The following ST8SIA6 variants were observed in gnomAD, a reference collection of about 807,000 sequenced individuals.
The protein encoded by ST8SIA6 is ST8 alpha-N-acetyl-neuraminide alpha-2,8-sialyltransferase 6, also known as alpha-2,8-sialyltransferase 8F.
A neutral mutation model predicts 33.6 loss-of-function variants in ST8SIA6; 39 were observed. That is an observed-to-expected ratio of 1.16 (90% CI 0.90 to 1.52). The LOEUF (loss-of-function observed/expected upper bound fraction) is 1.52. ST8SIA6 is among the 40% of genes most tolerant of loss of function. The pLI is 0.00. For synonymous variants in ST8SIA6, 172 were observed against 167.2 expected (o/e 1.03, Z -0.22); for missense variants, 441 against 443.8 (o/e 0.99, Z 0.06).
chr10:17,317,139 G>T lies in ST8SIA6; in HGVS notation c.*3739C>A, dbSNP rs1847799465. 6.6e-6 allele frequency among the ~76,000 whole-genome samples: 1 copy of T among 152,094 alleles called. No individual in the cohort carries two copies. The highest frequency in any genetic ancestry group is 6.6e-5 in the Admixed American group (1 of 15,260). On this transcript the variant is annotated 3_prime_UTR_variant, in exon 8 of 8. Transcript: ENST00000377602. ...AGCCCAACTTTTTATATGGTGCAAT[G>T]TAGGCATTTATTTTTCTCCATAGAG...
chr10:17,446,135 C>T (rs1274028802), intron 2 of ST8SIA6, among the ~76,000 whole-genome samples: 1 of 151,762 alleles, frequency 6.6e-6, no homozygotes. Context: ...TCTTTTAGTC[C>T]CTGAGGTGGA....
chr10:17,423,780 C>T (rs1480729773), intron 2 of ST8SIA6, among the ~76,000 whole-genome samples: 1 of 152,210 alleles, frequency 6.6e-6, no homozygotes, highest in African/African-American at 2.4e-5. Context: ...CCCCAAAATA[C>T]ATAGGCAATA....
intron 3 of ST8SIA6, among the ~76,000 whole-genome samples, chr10:17,377,928 A>T (rs191582158): frequency 6.6e-6 from 1 of 152,304 alleles, no homozygotes; most frequent in Non-Finnish European, 1.5e-5. Flanking sequence ...ACCCCTGACC[A>T]TAGACAATAC....
chr10:17,357,238 G>C (rs1341190730), intron 4 of ST8SIA6, among the ~76,000 whole-genome samples: 1 of 151,268 alleles, frequency 6.6e-6, no homozygotes, highest in Non-Finnish European at 1.5e-5. Context: ...CGATTCTCCT[G>C]CCTCAGCCTC....
At chr10:17,446,301 GA>G (rs778712970) in intron 2 of ST8SIA6, among the ~76,000 whole-genome samples, 2 of 152,080 alleles carry the variant, frequency 1.3e-5, no homozygotes, top group African/African-American at 2.4e-5. Context: ...AAAATGCAGA[GA>G]AAAATCATAC....
Position 17,454,117 on chromosome 10 carries a change from G to A in ST8SIA6, c.101+38C>T, listed in dbSNP as rs151236209. 2.5e-4 allele frequency: 65 copies of A among 261,390 alleles called. No homozygotes were observed. The Middle Eastern group carries it at 3.4e-3, about 14-fold the overall frequency. 16.2% of individuals were successfully genotyped at this position (261,390 alleles called of 1,614,324 possible). The stretch of plus-strand genomic sequence containing the variant: ...GGGGTCCGGGGGCGCCAGGCGGGGC[G>A]CGCGGCGCGGGGCGCGGCCGGCGGG... On this transcript the variant is annotated intron_variant, in intron 1 of 7. Coordinates refer to ENST00000377602, the MANE Select transcript of ST8SIA6 (RefSeq NM_001004470.3). This position sits in a 1 kb window ranked among gnomAD's most constrained non-coding sequence, Gnocchi z 4.1.
At chr10:17,441,687 C>T (rs1195304395) in intron 2 of ST8SIA6, among the ~76,000 whole-genome samples, 1 of 152,008 alleles carries the variant, frequency 6.6e-6, no homozygotes, top group Non-Finnish European at 1.5e-5. Flanking sequence ...CCTCGCTCCA[C>T]CATCTGGAAG....
In ST8SIA6 at chr10:17,315,888, A is replaced by G. The variant is rs908824962; in HGVS notation, c.*4990T>C. On this transcript the variant is annotated 3_prime_UTR_variant, in exon 8 of 8. Coordinates refer to ENST00000377602, the MANE Select transcript of ST8SIA6 (RefSeq NM_001004470.3). Reference sequence around the variant, plus strand: ...AATATGTGCCATTTATTACATGTCAATGACATGGGATAATACTGATTTTTC... The same window carrying G: ...AATATGTGCCATTTATTACATGTCAGTGACATGGGATAATACTGATTTTTC... Among the ~76,000 whole-genome samples the G allele has an allele frequency of 1.3e-5, 2 of 152,002 alleles. No individual in the cohort carries two copies. The highest frequency in any genetic ancestry group is 1.5e-5 in the Non-Finnish European group (1 of 67,902).
intron 2 of ST8SIA6, among the ~76,000 whole-genome samples, chr10:17,433,473 A>G (rs537757188): frequency 3.3e-5 from 5 of 152,228 alleles, no homozygotes; most frequent in African/African-American, 9.6e-5. Context: ...ACAAAAATAT[A>G]AACATAATAA....
intron 2 of ST8SIA6, among the ~76,000 whole-genome samples, chr10:17,424,899 A>G (rs949317446): frequency 3.3e-5 from 5 of 151,892 alleles, no homozygotes; most frequent in Non-Finnish European, 5.9e-5. Context: ...ATACATGGCT[A>G]ATTTTTGTAT....
At chr10:17,434,654 G>A (rs45493692) in intron 2 of ST8SIA6, among the ~76,000 whole-genome samples, 2,054 of 152,214 alleles carry the variant, frequency 0.013, 27 homozygotes, top group Non-Finnish European at 0.022. Context: ...GGACCTTCCT[G>A]AAAGTACAGT....
rs1564395098 is a variant in ST8SIA6 at position 17,318,770 on chromosome 10, A to G, written c.*2108T>C. 2.4e-5 allele frequency: 11 copies of G among 467,340 alleles called. No individual in the cohort carries two copies. The highest frequency in any genetic ancestry group is 4.4e-5 in the Non-Finnish European group (10 of 226,434). 28.9% of individuals were successfully genotyped at this position (467,340 alleles called of 1,614,324 possible). ...ATTTGCAATGATTCACCAATACAGA[A>G]CAAAAAGAACTGTGACTTACGTTTT... is the stretch of plus-strand genomic sequence containing the variant. On this transcript the variant is annotated 3_prime_UTR_variant, in exon 8 of 8. Coordinates refer to ENST00000377602, the MANE Select transcript of ST8SIA6 (RefSeq NM_001004470.3).
intron 2 of ST8SIA6, among the ~76,000 whole-genome samples, chr10:17,407,385 C>T (rs1245573476): frequency 4.6e-5 from 7 of 152,134 alleles, no homozygotes; most frequent in East Asian, 1.9e-4. Flanking sequence ...GCCAAAACTC[C>T]ACCCTCAGAT....
At position 17,336,803 on chromosome 10, in the gene ST8SIA6, A is replaced by C. The variant is rs560885445; in HGVS notation, c.378-5251T>G. Among the ~76,000 whole-genome samples the C allele has an allele frequency of 2.0e-5, 3 of 152,118 alleles. No homozygotes were observed. The East Asian group carries it at 5.8e-4, about 29-fold the overall frequency. ...GAGACGGGGTTTCACCATGTTGGCC[A>C]GGCTGGTCTCAAACTCCCGACCCTA... On this transcript the variant is annotated intron_variant, in intron 4 of 7. Coordinates refer to ENST00000377602, the MANE Select transcript of ST8SIA6 (RefSeq NM_001004470.3).
chr10:17,389,607 C>T (rs978696314), intron 3 of ST8SIA6, among the ~76,000 whole-genome samples: 4 of 152,084 alleles, frequency 2.6e-5, no homozygotes, highest in East Asian at 1.9e-4. Context: ...ATGTAGCAAA[C>T]CCTCTAAAAT....
At chr10:17,341,912 A>C (rs1257188340) in intron 4 of ST8SIA6, among the ~76,000 whole-genome samples, 4 of 150,368 alleles carry the variant, frequency 2.7e-5, no homozygotes, top group South Asian at 2.1e-4. Flanking sequence ...AAAAAAAAAA[A>C]AAAAAAAAAC....
chr10:17,408,418 A>G (rs1224872027), intron 2 of ST8SIA6: 1 of 152,152 alleles, frequency 6.6e-6, no homozygotes, highest in Non-Finnish European at 1.5e-5. Context: ...TAATCTCAGC[A>G]GTTTGGGAGG....
chr10:17,340,104 G>T (rs1455568595), intron 4 of ST8SIA6, among the ~76,000 whole-genome samples: 1 of 152,234 alleles, frequency 6.6e-6, no homozygotes, highest in Non-Finnish European at 1.5e-5. Flanking sequence ...AATACAGTGA[G>T]TTCTAAGTTT....
intron 6 of ST8SIA6, among the ~76,000 whole-genome samples, chr10:17,323,882 G>A (rs937411954): frequency 2.6e-5 from 4 of 152,032 alleles, no homozygotes; most frequent in Non-Finnish European, 5.9e-5. Context: ...AAAACTTGAT[G>A]TACTGTGACT....
Sources: gnomAD v4.1 joint callset for allele counts (sites outside exome capture counted in the v4.1 genomes callset) on GRCh38, gnomAD v4.1.1 for gene constraint, Gnocchi (gnomAD v3.1) non-coding constraint, MANE v1.5 for transcripts, NCBI Gene and HGNC (gene_info 2026-07-23, HGNC 2026-07-21) for gene names.